ARMCX2: variants seen among roughly 807,000 people sequenced by gnomAD.
The protein encoded by ARMCX2 is armadillo repeat containing X-linked 2.
In ARMCX2, 2 loss-of-function variants were observed where a neutral mutation model predicts 17.0. That is an observed-to-expected ratio of 0.12 (90% CI 0.05 to 0.37). ARMCX2 has a LOEUF of 0.37. Ranked by LOEUF, ARMCX2 falls within the 10% of genes least tolerant of loss-of-function variation. The probability of loss-of-function intolerance (pLI) is 1.00; values close to 1 mark genes in which losing one functional copy is unlikely to be tolerated. For synonymous variants in ARMCX2, 182 were observed against 195.2 expected (o/e 0.93, Z 0.57); for missense variants, 408 against 497.7 (o/e 0.82, Z 1.72).
rs782216826 is a variant in ARMCX2 at position 101,659,111 on chromosome X, T to A, written c.-298A>T. The A allele has an allele frequency of 9.1e-6, 1 of 109,992 alleles. No individual in the cohort carries two copies. Among genetic ancestry groups the A allele is most frequent in the East Asian group, 2.9e-4 (1 of 3,496 alleles). The allele number at this position is 109,992 out of a possible 1,213,427, so 9.1% of individuals were successfully genotyped here. A position where few individuals can be genotyped will look rare whatever the true frequency, so the allele number is the denominator to read the frequency against. On this transcript the variant is annotated 5_prime_UTR_variant, in exon 3 of 6. Coordinates refer to ENST00000356824, the MANE Select transcript of ARMCX2 (RefSeq NM_177949.4). ...TTTCCAGGACTGAAAAGACGGGGGGTGAACGGCTGTGTGGGCCGGAGGTGT... is the reference window on the plus strand; with the variant it reads ...TTTCCAGGACTGAAAAGACGGGGGGAGAACGGCTGTGTGGGCCGGAGGTGT...
Position 101,657,659 on chromosome X carries a change from G to T in ARMCX2, c.-71C>A. 1 of 1,028,978 alleles carries T rather than the reference G, an allele frequency of 9.7e-7. No individual in the cohort carries two copies. Among genetic ancestry groups the T allele is most frequent in the Non-Finnish European group, 1.3e-6 (1 of 747,694 alleles). The allele number at this position is 1,028,978 out of a possible 1,213,427, so 84.8% of individuals were successfully genotyped here. On this transcript the variant is annotated 5_prime_UTR_variant, in exon 6 of 6. Transcript: ENST00000356824. Reference sequence around the variant, plus strand: ...GCTTAAGGTTAAGGGATGCCTGCTCGTCCGGGTGAGGCTCTTCAGTTTAGG... The same window carrying T: ...GCTTAAGGTTAAGGGATGCCTGCTCTTCCGGGTGAGGCTCTTCAGTTTAGG...
At chrX:101,658,225 A>G (rs1486791980) in intron 4 of ARMCX2, 83 bp from the exon 5 acceptor site, 1 of 112,244 alleles carries the variant, frequency 8.9e-6, no homozygotes, top group African/African-American at 3.2e-5. Flanking sequence ...CCTGTGGGTC[A>G]AAGGTTTTCC....
Position 101,655,634 on chromosome X carries a change from C to T in ARMCX2, c.*56G>A. The T allele has an allele frequency of 1.0e-6, 1 of 981,569 alleles. No individual in the cohort carries two copies. The highest frequency in any genetic ancestry group is 1.4e-6 in the Non-Finnish European group (1 of 732,818). The allele number at this position is 981,569 out of a possible 1,213,427, so 80.9% of individuals were successfully genotyped here. A position where few individuals can be genotyped will look rare whatever the true frequency, so the allele number is the denominator to read the frequency against. On this transcript the variant is annotated 3_prime_UTR_variant, in exon 6 of 6. Transcript: ENST00000356824. Reference sequence around the variant, plus strand: ...AAGCAGTAACTTTCAATTTTCAACGCTTCCACACTGCAAAATCATGAAATT... The same window carrying T: ...AAGCAGTAACTTTCAATTTTCAACGTTTCCACACTGCAAAATCATGAAATT...
chrX:101,656,353 G>A lies in ARMCX2; in HGVS notation c.1236C>T (p.Ser412=), dbSNP rs1936256067. ...GATTGCATGAATAATTGGCATTGTT[G>A]CTCAGAGTGAGCAAAGCTACCTGTT... is the stretch of plus-strand genomic sequence containing the variant. ...FIQQVALLTL[S]NNANYSCNQE... Residue 412 remains serine, a synonymous_variant, in exon 6 of 6, where the codon AGC becomes AGT. Transcript: ENST00000356824. 1.7e-6 allele frequency: 2 copies of A among 1,211,023 alleles called. No homozygotes were observed. Among genetic ancestry groups the A allele is most frequent in the Non-Finnish European group, 2.2e-6 (2 of 895,243 alleles).
chrX:101,657,816 G>A (rs902261465), intron 5 of ARMCX2, 101 bp from the exon 6 acceptor site: 4 of 363,965 alleles, frequency 1.1e-5, no homozygotes, highest in Non-Finnish European at 1.9e-5. Context: ...CTTCGTTGGC[G>A]GGCTAGCACC....
At position 101,657,613 on chromosome X, in the gene ARMCX2, T is replaced by C. The variant is rs1556072689; in HGVS notation, c.-25A>G. 2.5e-6 allele frequency: 3 copies of C among 1,185,390 alleles called. No individual in the cohort carries two copies. The highest frequency in any genetic ancestry group is 3.4e-6 in the Non-Finnish European group (3 of 877,302). On this transcript the variant is annotated 5_prime_UTR_variant, in exon 6 of 6. Transcript: ENST00000356824. Reference sequence around the variant, plus strand: ...TGGTGCAGCTGGGGTTATTCACTGATCCAGGGCGTGGAACTGGATTGCTTA... The same window carrying C: ...TGGTGCAGCTGGGGTTATTCACTGACCCAGGGCGTGGAACTGGATTGCTTA...
rs782115134 is a variant in ARMCX2 at position 101,657,400 on chromosome X, G to A, written c.189C>T (p.Ile63=). The change falls in exon 6 of 6, where the codon ATC becomes ATT. Residue 63 remains isoleucine, a synonymous_variant. Coordinates refer to ENST00000356824, the MANE Select transcript of ARMCX2 (RefSeq NM_177949.4). The stretch of plus-strand genomic sequence containing the variant: ...GGGGACTGAATCCTGACCCAAGGTC[G>A]ATTGTGAATCCGGCTCTTAGCCCAG... ...ARAGLRAGFT[I]DLGSGFSPPT... 73 of 1,210,835 alleles carry A rather than the reference G, an allele frequency of 6.0e-5. No homozygotes were observed. Among genetic ancestry groups the A allele is most frequent in the Middle Eastern group, 2.3e-4 (1 of 4,376 alleles).
rs139275799 is a variant in ARMCX2 at position 101,655,786 on chromosome X, A to C, written c.1803T>G (p.Thr601=). The change falls in exon 6 of 6, where the codon ACT becomes ACG. Residue 601 remains threonine (T), a synonymous_variant. Transcript: ENST00000356824. ...FNKGSLFYLC[T]TSGVCVKKIR... Reference sequence around the variant, plus strand: ...TTTTCTTAACACACACTCCAGATGTAGTGCATAAGTAAAAAAGGGAACCTT... The same window carrying C: ...TTTTCTTAACACACACTCCAGATGTCGTGCATAAGTAAAAAAGGGAACCTT... 6.7e-6 allele frequency: 8 copies of C among 1,197,855 alleles called. No homozygotes were observed. The highest frequency in any genetic ancestry group is 4.6e-5 in the Admixed American group (2 of 43,726).
chrX:101,656,985 G>T lies in ARMCX2; in HGVS notation c.604C>A (p.Pro202Thr). 8.3e-7 allele frequency: 1 copy of T among 1,211,211 alleles called. No homozygotes were observed. The highest frequency in any genetic ancestry group is 1.1e-6 in the Non-Finnish European group (1 of 895,359). ...CCGGGAGCTTCAGCTACCTTGGTAG[G>T]TGCTGCTACCCCAGGACCCTCGGTC... ...EVTEGPGVAA[P>T]TKVAEAPGVA... Residue 202 changes from proline (P) to threonine (T), a missense_variant, in exon 6 of 6, where the codon CCT becomes ACT. Pro to Thr is a conservative substitution (Grantham distance 38, BLOSUM62 -1). Coordinates refer to ENST00000356824, the MANE Select transcript of ARMCX2 (RefSeq NM_177949.4).
rs781992902 is a variant in ARMCX2, at chrX:101,656,879, TCTGCAGCCCCAGTAGGTG to T, written c.692_709del (p.Ala231_Ala236del). 282 of 1,209,318 alleles carry T rather than the reference TCTGCAGCCCCAGTAGGTG, an allele frequency of 2.3e-4. No individual in the cohort carries two copies. In the East Asian group the frequency reaches 2.6e-3, roughly 11 times the overall value. On this transcript the variant is annotated inframe_deletion, in exon 6 of 6. Transcript: ENST00000356824. ...AGGGGAACCAGAAGTTCCAGGAGACTCTGCAGCCCCAGTAGGTGCTGCAGCCCCAGTAGGCGTTGCCGG... is the reference window on the plus strand; with the variant it reads ...AGGGGAACCAGAAGTTCCAGGAGACTCTGCAGCCCCAGTAGGCGTTGCCGG...
chrX:101,656,876 G>T lies in ARMCX2; in HGVS notation c.713C>A (p.Ser238Tyr). Residue 238 changes from serine to tyrosine, a missense_variant, in exon 6 of 6, where the codon TCT becomes TAT. This residue lies in a region of ARMCX2 where 307 missense variants were observed against 326.8 expected (regional missense o/e 0.94). Coordinates refer to ENST00000356824, the MANE Select transcript of ARMCX2 (RefSeq NM_177949.4). ...GAAAPTGAAE[S>Y]PGTSGSPRTA... ...TCTAGGGGAACCAGAAGTTCCAGGAGACTCTGCAGCCCCAGTAGGTGCTGC... is the reference window on the plus strand; with the variant it reads ...TCTAGGGGAACCAGAAGTTCCAGGATACTCTGCAGCCCCAGTAGGTGCTGC... 1 of 1,211,629 alleles carries T rather than the reference G, an allele frequency of 8.3e-7. No homozygotes were observed. The highest frequency in any genetic ancestry group is 1.1e-6 in the Non-Finnish European group (1 of 895,471).
In ARMCX2 at chrX:101,657,070, G is replaced by T. The variant is rs1974618235; in HGVS notation, c.519C>A (p.Ser173=). 8.3e-7 allele frequency: 1 copy of T among 1,199,884 alleles called. No homozygotes were observed. Among genetic ancestry groups the T allele is most frequent in the Non-Finnish European group, 1.1e-6 (1 of 888,527 alleles). Residue 173 remains serine (S), a synonymous_variant, in exon 6 of 6, where the codon TCC becomes TCA. Coordinates refer to ENST00000356824, the MANE Select transcript of ARMCX2 (RefSeq NM_177949.4). ...CTGTCCCAGGAGGCACCGCTGCCCTGGAAGTCTCCGCTTCTCTGGGAGCTT... is the reference window on the plus strand; with the variant it reads ...CTGTCCCAGGAGGCACCGCTGCCCTTGAAGTCTCCGCTTCTCTGGGAGCTT... ...VAEAPREAET[S]RAAVPPGTVV... is the part of the protein sequence containing the mutation.
Position 101,657,062 on chromosome X carries a change from G to A in ARMCX2, c.527C>T (p.Ala176Val), listed in dbSNP as rs781863629. The A allele has an allele frequency of 6.7e-6, 8 of 1,202,245 alleles. No individual in the cohort carries two copies. Among genetic ancestry groups the A allele is most frequent in the African/African-American group, 1.8e-5 (1 of 57,101 alleles). Reference protein sequence around the residue: ...APREAETSRAAVPPGTVVPTE... With the variant: ...APREAETSRAVVPPGTVVPTE... The stretch of plus-strand genomic sequence containing the variant: ...AGGCACCACTGTCCCAGGAGGCACC[G>A]CTGCCCTGGAAGTCTCCGCTTCTCT... The change falls in exon 6 of 6, where the codon GCG (alanine) becomes GTG (valine). Residue 176 changes from alanine (A) to valine (V), a missense_variant. Coordinates refer to ENST00000356824, the MANE Select transcript of ARMCX2 (RefSeq NM_177949.4).
chrX:101,656,792 C>T lies in ARMCX2; in HGVS notation c.797G>A (p.Gly266Glu). The T allele has an allele frequency of 8.3e-7, 1 of 1,211,558 alleles. No homozygotes were observed. Among genetic ancestry groups the T allele is most frequent in the African/African-American group, 1.7e-5 (1 of 57,696 alleles). Reference sequence around the variant, plus strand: ...CGCTGATGTGGCTTTCGGTATAGCCCCAGTGTGAGCCCCAGGGGTTGCTTT... The same window carrying T: ...CGCTGATGTGGCTTTCGGTATAGCCTCAGTGTGAGCCCCAGGGGTTGCTTT... ...AKKATPGAHT[G>E]AIPKATSATG... Residue 266 changes from glycine (G) to glutamate (E), a missense_variant, in exon 6 of 6, where the codon GGG becomes GAG. Physicochemically the swap from Gly to Glu is moderately conservative, Grantham distance 98. Coordinates refer to ENST00000356824, the MANE Select transcript of ARMCX2 (RefSeq NM_177949.4).
At position 101,655,614 on chromosome X, in the gene ARMCX2, G is replaced by A; in HGVS notation, c.*76C>T. The A allele has an allele frequency of 1.2e-6, 1 of 845,391 alleles. No individual in the cohort carries two copies. Among genetic ancestry groups the A allele is most frequent in the Non-Finnish European group, 1.6e-6 (1 of 613,034 alleles). 69.7% of individuals were successfully genotyped at this position (845,391 alleles called of 1,213,427 possible). ...TACTATATGAGCAAGTGGAAAAGCAGTAACTTTCAATTTTCAACGCTTCCA... is the reference window on the plus strand; with the variant it reads ...TACTATATGAGCAAGTGGAAAAGCAATAACTTTCAATTTTCAACGCTTCCA... On this transcript the variant is annotated 3_prime_UTR_variant, in exon 6 of 6. Coordinates refer to ENST00000356824, the MANE Select transcript of ARMCX2 (RefSeq NM_177949.4).
chrX:101,659,103 A>T lies in ARMCX2; in HGVS notation c.-290T>A, dbSNP rs1339758637. The T allele has an allele frequency of 2.7e-5, 3 of 111,199 alleles. No individual in the cohort carries two copies. The highest frequency in any genetic ancestry group is 1.9e-4 in the Admixed American group (2 of 10,542). The allele number at this position is 111,199 out of a possible 1,213,427, so 9.2% of individuals were successfully genotyped here. ...GAATTCCTTTTCCAGGACTGAAAAGACGGGGGGTGAACGGCTGTGTGGGCC... is the reference window on the plus strand; with the variant it reads ...GAATTCCTTTTCCAGGACTGAAAAGTCGGGGGGTGAACGGCTGTGTGGGCC... On this transcript the variant is annotated 5_prime_UTR_variant, in exon 3 of 6. Coordinates refer to ENST00000356824, the MANE Select transcript of ARMCX2 (RefSeq NM_177949.4).
At chrX:101,659,371 T>TA (rs1342973234) in intron 2 of ARMCX2, 48 bp downstream of exon 2, 1 of 109,140 alleles carries the variant, frequency 9.2e-6, no homozygotes, top group African/African-American at 3.4e-5. Flanking sequence ...CCCAGATTGT[T>TA]ACCAAATTGC....
rs782441000 is a variant in ARMCX2 at position 101,656,936 on chromosome X, G to A, written c.653C>T (p.Ala218Val). Reference protein sequence around the residue: ...APGVASPTEAAEAPVPATPTG... With the variant: ...APGVASPTEAVEAPVPATPTG... ...AGGCGTTGCCGGCACAGGAGCCTCAGCTGCCTCGGTAGGCGATGCCACCCC... is the reference window on the plus strand; with the variant it reads ...AGGCGTTGCCGGCACAGGAGCCTCAACTGCCTCGGTAGGCGATGCCACCCC... The change falls in exon 6 of 6, where the codon GCT becomes GTT. Residue 218 changes from alanine to valine, a missense_variant. Ala to Val is a moderately conservative substitution (Grantham distance 64). Coordinates refer to ENST00000356824, the MANE Select transcript of ARMCX2 (RefSeq NM_177949.4). The A allele has an allele frequency of 1.7e-6, 2 of 1,211,201 alleles. No individual in the cohort carries two copies.
In ARMCX2 at chrX:101,656,437, A is replaced by G; in HGVS notation, c.1152T>C (p.Gly384=). The G allele has an allele frequency of 8.3e-7, 1 of 1,211,025 alleles. No homozygotes were observed. Among genetic ancestry groups the G allele is most frequent in the South Asian group, 1.8e-5 (1 of 56,896 alleles). ...CAAGGACCTTCCTGAGATCGCGGACACCCAGAATCTCATCAATTTCATAAG... is the reference window on the plus strand; with the variant it reads ...CAAGGACCTTCCTGAGATCGCGGACGCCCAGAATCTCATCAATTTCATAAG... ...PFPYEIDEIL[G]VRDLRKVLAL... Residue 384 remains glycine (G), a synonymous_variant, in exon 6 of 6, where the codon GGT becomes GGC. Coordinates refer to ENST00000356824, the MANE Select transcript of ARMCX2 (RefSeq NM_177949.4).
Sources: allele counts gnomAD v4.1 joint callset, GRCh38; gene constraint gnomAD v4.1.1; regional missense constraint gnomAD v4.1.1; transcripts MANE v1.5; gene names NCBI Gene and HGNC (gene_info 2026-07-23, HGNC 2026-07-21).